Variants in NETO1 observed in about 807,000 individuals in gnomAD.
NETO1 encodes neuropilin and tolloid like 1, also known as neuropilin and tolloid-like protein 1.
NETO1 carries 26 observed loss-of-function variants against 61.3 expected under a neutral mutation model. The ratio of observed to expected loss-of-function variants is 0.42; its 90% CI spans 0.31 to 0.59. The LOEUF (loss-of-function observed/expected upper bound fraction) is 0.59, where lower values mean the gene tolerates loss of function less well. NETO1 is among the 20% of genes least tolerant of loss of function. The pLI is 0.12. For missense variants in NETO1, 531 were observed against 662.8 expected, an observed-to-expected ratio of 0.80 and a Z score of 2.18; for synonymous variants, 225 against 225.8, an observed-to-expected ratio of 1.00 and a Z score of 0.03.
At chr18:72,811,209 G>A (rs1015646145) in intron 4 of NETO1, among the ~76,000 whole-genome samples, 3 of 152,094 alleles carry the variant, frequency 2.0e-5, no homozygotes, top group African/African-American at 7.2e-5. Flanking sequence ...CCAGATCTGA[G>A]TATCTCACTC....
chr18:72,753,969 TAC>T (rs1235581091), intron 8 of NETO1, among the ~76,000 whole-genome samples: 3 of 152,164 alleles, frequency 2.0e-5, no homozygotes, highest in Admixed American at 1.3e-4. Flanking sequence ...TTAAAAGACA[TAC>T]AGTTATATAA....
At chr18:72,824,882 C>T (rs1041463010) in intron 4 of NETO1, among the ~76,000 whole-genome samples, 1 of 151,480 alleles carries the variant, frequency 6.6e-6, no homozygotes, top group Non-Finnish European at 1.5e-5. Flanking sequence ...CGGTCTCAAA[C>T]AAACAAAAAA....
At chr18:72,825,496 C>T (rs2073346019) in intron 4 of NETO1, among the ~76,000 whole-genome samples, 1 of 151,668 alleles carries the variant, frequency 6.6e-6, no homozygotes, top group African/African-American at 2.4e-5. Context: ...ACCATATTTT[C>T]CATGTATTAT....
intron 4 of NETO1, 94 bp downstream of exon 4, chr18:72,858,732 G>T: frequency 8.2e-7 from 1 of 1,219,430 alleles, no homozygotes; most frequent in Non-Finnish European, 1.1e-6. Flanking sequence ...AACATTCTCT[G>T]AGAAAGTATA....
At chr18:72,775,108 G>A (rs2145195141) in intron 7 of NETO1, among the ~76,000 whole-genome samples, 1 of 152,340 alleles carries the variant, frequency 6.6e-6, no homozygotes, top group Non-Finnish European at 1.5e-5. Context: ...AGGCAGAGGT[G>A]AAGAGTTAGC....
At chr18:72,750,912 C>A (rs1010148638) in intron 8 of NETO1, among the ~76,000 whole-genome samples, 2 of 119,878 alleles carry the variant, frequency 1.7e-5, no homozygotes, top group Non-Finnish European at 3.5e-5. Flanking sequence ...CACACACACA[C>A]AATCCTCTAT....
At chr18:72,819,038 T>C (rs2073109706) in intron 4 of NETO1, among the ~76,000 whole-genome samples, 1 of 152,224 alleles carries the variant, frequency 6.6e-6, no homozygotes, top group Admixed American at 6.5e-5. Context: ...AGCTGTCCTT[T>C]ATTTTTTTAA....
intron 4 of NETO1, among the ~76,000 whole-genome samples, chr18:72,854,806 A>C (rs1029405630): frequency 6.0e-5 from 9 of 149,864 alleles, no homozygotes; most frequent in African/African-American, 2.2e-4. Flanking sequence ...TAATTTATAC[A>C]AGTAATACCA....
At chr18:72,749,238 ATT>A in intron 9 of NETO1, 150 bp from the exon 10 acceptor site, 1 of 559,810 alleles carries the variant, frequency 1.8e-6, no homozygotes, top group Non-Finnish European at 3.2e-6. Context: ...CAACTGAAGT[ATT>A]TTAGGTTTTG....
chr18:72,789,209 A>AGC (rs1491342272), intron 6 of NETO1, among the ~76,000 whole-genome samples: 14 of 65,826 alleles, frequency 2.1e-4, no homozygotes, highest in African/African-American at 6.7e-4. Context: ...TTAACACACA[A>AGC]GCACACACAC....
intron 4 of NETO1, among the ~76,000 whole-genome samples, chr18:72,797,079 C>T (rs565844119): frequency 3.7e-4 from 56 of 152,190 alleles, no homozygotes; most frequent in Non-Finnish European, 7.4e-4. Context: ...GTTATCTAGA[C>T]TTTTTGTTAT....
intron 4 of NETO1, among the ~76,000 whole-genome samples, chr18:72,851,099 T>C (rs1008792373): frequency 6.6e-6 from 1 of 151,924 alleles, no homozygotes; most frequent in Non-Finnish European, 1.5e-5. Flanking sequence ...GAAACCTGGG[T>C]GTTAGGGAGC....
chr18:72,792,869 T>C (rs2072172976), intron 6 of NETO1, among the ~76,000 whole-genome samples: 1 of 151,998 alleles, frequency 6.6e-6, no homozygotes, highest in African/African-American at 2.4e-5. Flanking sequence ...CATGGCCTCA[T>C]AGATGCTATT....
At chr18:72,797,372 T>C (rs985798174) in intron 4 of NETO1, among the ~76,000 whole-genome samples, 1 of 152,170 alleles carries the variant, frequency 6.6e-6, no homozygotes, top group African/African-American at 2.4e-5. Flanking sequence ...CAAAACTTTA[T>C]GAAAAAAATG....
chr18:72,788,191 CCTT>C lies in NETO1; in HGVS notation c.640-4288_640-4286del, dbSNP rs530477370. Among the ~76,000 whole-genome samples the C allele has an allele frequency of 1.7e-3, 254 of 152,114 alleles. 2 individuals carry two copies. The highest frequency in any genetic ancestry group is 3.0e-3 in the Non-Finnish European group (202 of 67,982). The stretch of plus-strand genomic sequence containing the variant: ...CTACCTAAGTATCTTCTATAAAGGA[CCTT>C]CTTATTAAATAGAACACTAATTAGA... On this transcript the variant is annotated intron_variant, in intron 6 of 10. Transcript: ENST00000327305.
Position 72,864,933 on chromosome 18 carries a change from G to A in NETO1, c.95C>T (p.Thr32Ile). The A allele has an allele frequency of 6.3e-7, 1 of 1,582,572 alleles. No individual in the cohort carries two copies. Among genetic ancestry groups the A allele is most frequent in the Non-Finnish European group, 8.5e-7 (1 of 1,172,338 alleles). ...CTGCACTGACTTCTGTGTTTCTGAG[G>A]TGGTTTGCTTTTCTGTTAAAAAAAA... ...ATKKGTEKQTTSETQKSVQCG... is the reference protein window; with the variant it reads ...ATKKGTEKQTISETQKSVQCG... Residue 32 changes from threonine to isoleucine, a missense_variant, in exon 3 of 11, where the codon ACC becomes ATC. Coordinates refer to ENST00000327305, the MANE Select transcript of NETO1 (RefSeq NM_138966.5).
intron 4 of NETO1, among the ~76,000 whole-genome samples, chr18:72,801,554 G>A (rs2072508166): frequency 6.6e-6 from 1 of 152,118 alleles, no homozygotes; most frequent in Non-Finnish European, 1.5e-5. Flanking sequence ...GATTAGCTTA[G>A]TTTGTTCTCC....
chr18:72,865,542 G>T, intron 1 of NETO1: 1 of 1,600,736 alleles, frequency 6.2e-7, no homozygotes, highest in South Asian at 1.1e-5. Flanking sequence ...AGTACAGTGG[G>T]ACTACAGGAG....
chr18:72,855,559 G>A (rs570423711), intron 4 of NETO1, among the ~76,000 whole-genome samples: 7 of 152,248 alleles, frequency 4.6e-5, no homozygotes, highest in Admixed American at 3.9e-4. Context: ...CTCCACATCC[G>A]TGCGGGACCT....
Sources: allele counts gnomAD v4.1 joint callset (sites outside exome capture counted in the v4.1 genomes callset), GRCh38; gene constraint gnomAD v4.1.1; transcripts MANE v1.5; gene names NCBI Gene and HGNC (gene_info 2026-07-23, HGNC 2026-07-21).